AFG2B: variants seen among roughly 807,000 people sequenced by gnomAD.
AFG2B encodes AAA ATPase AFG2B.
chr15:45,410,215 A>T, the AFG2B span, among the ~76,000 whole-genome samples: 1 of 152,230 alleles, frequency 6.6e-6, no homozygotes, highest in Admixed American at 6.5e-5. Context: ...TGGCAGGGAG[A>T]CATTTAATTC....
the AFG2B span, chr15:45,410,624 C>G: frequency 5.1e-6 from 6 of 1,174,696 alleles, no homozygotes; most frequent in Non-Finnish European, 1.2e-6. Flanking sequence ...ACTGCTCTTG[C>G]TCCTATCACT....
At chr15:45,414,237 G>A in the AFG2B span, among the ~76,000 whole-genome samples, 4 of 152,182 alleles carry the variant, frequency 2.6e-5, no homozygotes, top group Non-Finnish European at 5.9e-5. Context: ...CTTGGGGAAC[G>A]TTCAGGCAGA....
the AFG2B span, among the ~76,000 whole-genome samples, chr15:45,411,516 C>T: frequency 2.6e-5 from 4 of 152,174 alleles, no homozygotes; most frequent in African/African-American, 9.7e-5. Flanking sequence ...TAGAGTCCCA[C>T]TGTGCTACTC....
the AFG2B span, among the ~76,000 whole-genome samples, chr15:45,410,794 G>A: frequency 1.3e-5 from 2 of 152,218 alleles, no homozygotes; most frequent in Non-Finnish European, 1.5e-5. Context: ...GGTGGCTTAT[G>A]TCTATAATCC....
At chr15:45,405,268 T>C in the AFG2B span, 1 of 1,500,102 alleles carries the variant, frequency 6.7e-7, no homozygotes, top group East Asian at 2.4e-5. Context: ...AAAAATAATA[T>C]ATTTTAAACT....
the AFG2B span, chr15:45,416,780 T>C: frequency 6.5e-6 from 1 of 153,056 alleles, no homozygotes; most frequent in Non-Finnish European, 1.5e-5. Context: ...GACATTTCTT[T>C]ATCCAGGATT....
chr15:45,407,336 T>A, the AFG2B span: 1 of 739,960 alleles, frequency 1.4e-6, no homozygotes. Context: ...TTTTGTGAAG[T>A]ATTCCTATTA....
chr15:45,410,606 G>A, the AFG2B span: 1 of 1,383,024 alleles, frequency 7.2e-7, no homozygotes, highest in Non-Finnish European at 9.8e-7. Context: ...ACAACATACT[G>A]CGCTGAAACT....
At chr15:45,418,804 G>A in the AFG2B span, 2 of 1,299,124 alleles carry the variant, frequency 1.5e-6, no homozygotes, top group Admixed American at 2.5e-5. Context: ...ACAGACAGAT[G>A]TGGCCCCATC....
chr15:45,418,640 C>G, the AFG2B span: 1 of 1,613,956 alleles, frequency 6.2e-7, no homozygotes, highest in East Asian at 2.2e-5. Flanking sequence ...CAGCAGAAAC[C>G]TGTTTTTTTT....
At chr15:45,419,334 G>A in the AFG2B span, among the ~76,000 whole-genome samples, 1 of 152,022 alleles carries the variant, frequency 6.6e-6, no homozygotes, top group East Asian at 1.9e-4. Context: ...CTACGTGGGG[G>A]ACTAGTAGTC....
the AFG2B span, chr15:45,418,462 G>A: frequency 1.6e-6 from 2 of 1,284,090 alleles, no homozygotes; most frequent in East Asian, 2.5e-5. Flanking sequence ...TCTCGGTAAT[G>A]TGAAAGGAAA....
At chr15:45,416,814 C>A in the AFG2B span, 1 of 153,154 alleles carries the variant, frequency 6.5e-6, no homozygotes, top group Admixed American at 6.5e-5. Flanking sequence ...CTTAGATTGT[C>A]ATTTCAAAGA....
the AFG2B span, among the ~76,000 whole-genome samples, chr15:45,404,564 T>C: frequency 6.6e-6 from 1 of 152,076 alleles, no homozygotes; most frequent in African/African-American, 2.4e-5. Flanking sequence ...CTCAATACTT[T>C]GGGAGGCTGA....
chr15:45,410,470 C>G, the AFG2B span: 2 of 1,613,368 alleles, frequency 1.2e-6, no homozygotes, highest in Non-Finnish European at 1.7e-6. Flanking sequence ...TAATGGATAT[C>G]AAGCCTGTTG....
the AFG2B span, among the ~76,000 whole-genome samples, chr15:45,410,207 G>T: frequency 8.1e-4 from 124 of 152,314 alleles, no homozygotes; most frequent in African/African-American, 2.8e-3. Context: ...GCAGGAATTG[G>T]CAGGGAGACA....
the AFG2B span, among the ~76,000 whole-genome samples, chr15:45,406,222 CTAA>C: frequency 6.6e-6 from 1 of 152,188 alleles, no homozygotes. Context: ...TTGGGTTTGA[CTAA>C]TGTTTCTTCA....
the AFG2B span, chr15:45,402,882 C>T: frequency 6.3e-6 from 10 of 1,598,390 alleles, no homozygotes; most frequent in East Asian, 1.3e-4. Context: ...ACGTGGTGGT[C>T]GCTCCGCCAG....
chr15:45,405,624 G>A, the AFG2B span: 2 of 924,782 alleles, frequency 2.2e-6, no homozygotes, highest in Non-Finnish European at 3.2e-6. Flanking sequence ...TTCCACAGCT[G>A]TTGCTTATAC....
Sources: gnomAD v4.1 joint callset for allele counts (sites outside exome capture counted in the v4.1 genomes callset) on GRCh38, gnomAD v4.1.1 for gene constraint, MANE v1.5 for transcripts, NCBI Gene and HGNC (gene_info 2026-07-23, HGNC 2026-07-21) for gene names.